SYNRG: variants seen among roughly 807,000 people sequenced by gnomAD.
SYNRG encodes the protein AP1 gamma subunit binding protein 1.
Under a neutral mutation model 130.9 loss-of-function variants are expected in SYNRG, and 37 were observed. The observed-to-expected ratio is 0.28, with a 90% CI of 0.22 to 0.37. SYNRG has a LOEUF of 0.37. Ranked by LOEUF, SYNRG falls within the 10% of genes least tolerant of loss-of-function variation. The pLI, the probability that SYNRG is intolerant of heterozygous loss-of-function variation, is 1.00. For missense variants in SYNRG, 1,338 were observed against 1,588.9 expected (o/e 0.84, Z 2.68); for synonymous variants, 539 against 568.1 (o/e 0.95, Z 0.73).
intron 6 of SYNRG, among the ~76,000 whole-genome samples, chr17:37,580,510 T>TGTGAGAGAGA (rs1384344164): frequency 1.6e-4 from 21 of 127,716 alleles, no homozygotes; most frequent in African/African-American, 6.2e-4. Context: ...TGTGTGTGTG[T>TGTGAGAGAGA]GAGAGAGAGA....
At chr17:37,568,112 C>G (rs1247751255) in intron 11 of SYNRG, 1 of 152,210 alleles carries the variant, frequency 6.6e-6, no homozygotes, top group Non-Finnish European at 1.5e-5. Flanking sequence ...ACTAAGGAGA[C>G]TGAGGCAGGA....
intron 3 of SYNRG, among the ~76,000 whole-genome samples, chr17:37,595,930 T>A (rs1388906792): frequency 6.6e-6 from 1 of 152,138 alleles, no homozygotes; most frequent in Non-Finnish European, 1.5e-5. Context: ...AATTTTTGTA[T>A]TTTTAGTAGA....
At chr17:37,561,055 T>C in intron 13 of SYNRG, 140 bp downstream of exon 13, 2 of 705,148 alleles carry the variant, frequency 2.8e-6, no homozygotes, top group East Asian at 5.4e-5. Context: ...CCATATTGTT[T>C]TGTCCATTCA....
intron 1 of SYNRG, among the ~76,000 whole-genome samples, chr17:37,602,931 T>C (rs1598677394): frequency 6.6e-6 from 1 of 151,958 alleles, no homozygotes; most frequent in African/African-American, 2.4e-5. Flanking sequence ...GGCTGAGACA[T>C]GAGCATTGCT....
At chr17:37,554,235 G>A (rs1195971031) in intron 13 of SYNRG, among the ~76,000 whole-genome samples, 176 bp from the exon 14 acceptor site, 2 of 152,138 alleles carry the variant, frequency 1.3e-5, no homozygotes, top group Non-Finnish European at 2.9e-5. Context: ...CCACACTGAA[G>A]TCTAGTGATA....
At chr17:37,568,539 G>T in intron 11 of SYNRG, 1 of 370,558 alleles carries the variant, frequency 2.7e-6, no homozygotes, top group East Asian at 4.4e-5. Context: ...CTATAATAAA[G>T]GTTTGGCACA....
At chr17:37,574,099 A>G (rs1170684650) in intron 8 of SYNRG, among the ~76,000 whole-genome samples, 1 of 152,224 alleles carries the variant, frequency 6.6e-6, no homozygotes, top group Admixed American at 6.5e-5. Flanking sequence ...GAACCCAGAA[A>G]TAAATCCACA....
At chr17:37,559,471 C>T (rs555953895) in intron 13 of SYNRG, among the ~76,000 whole-genome samples, 1 of 152,274 alleles carries the variant, frequency 6.6e-6, no homozygotes, top group East Asian at 1.9e-4. Flanking sequence ...GGGCAGATCA[C>T]CTGAGGTCAG....
rs970895655 is a variant in SYNRG, at chr17:37,520,578, G to C, written c.3737C>G (p.Ala1246Gly). The change falls in exon 20 of 22, where the codon GCC becomes GGC. Residue 1246 changes from alanine (A) to glycine (G), a missense_variant. By Grantham distance (60) the Ala-to-Gly change is moderately conservative (BLOSUM62 0). Around this residue, in one of 3 missense-constraint regions of SYNRG, gnomAD observed 1,146 missense variants for 1,342.3 expected, o/e 0.85. Coordinates refer to ENST00000612223, the MANE Select transcript of SYNRG (RefSeq NM_007247.6). ...RPGIKNAQELACGVCLLNVDS... is the reference protein window; with the variant it reads ...RPGIKNAQELGCGVCLLNVDS... Reference sequence around the variant, plus strand: ...CACATTCAAGAGGCACACTCCACAGGCAAGCTCCTGAGCATTTTTAATCCC... The same window carrying C: ...CACATTCAAGAGGCACACTCCACAGCCAAGCTCCTGAGCATTTTTAATCCC... 6.2e-7 allele frequency: 1 copy of C among 1,614,160 alleles called. No homozygotes were observed. Among genetic ancestry groups the C allele is most frequent in the East Asian group, 2.2e-5 (1 of 44,882 alleles).
At chr17:37,526,605 C>T (rs977601845) in intron 19 of SYNRG, among the ~76,000 whole-genome samples, 5 of 152,166 alleles carry the variant, frequency 3.3e-5, no homozygotes, top group Non-Finnish European at 7.4e-5. Context: ...TCTAGGAGTT[C>T]TAGGGGAAAA....
intron 11 of SYNRG, among the ~76,000 whole-genome samples, chr17:37,563,763 T>C (rs1010957753): frequency 6.6e-6 from 1 of 152,112 alleles, no homozygotes; most frequent in Non-Finnish European, 1.5e-5. Context: ...AGTGAAATCC[T>C]GGGCTCAAGT....
At chr17:37,524,090 G>A (rs978196451) in intron 19 of SYNRG, among the ~76,000 whole-genome samples, 1 of 152,188 alleles carries the variant, frequency 6.6e-6, no homozygotes, top group Non-Finnish European at 1.5e-5. Context: ...AAGTGCAGGG[G>A]AAGCGAGGGC....
chr17:37,608,534 G>A (rs1179173732), intron 1 of SYNRG, among the ~76,000 whole-genome samples: 1 of 152,162 alleles, frequency 6.6e-6, no homozygotes, highest in African/African-American at 2.4e-5. Flanking sequence ...TAAGAACCAC[G>A]GCAGTTCTTG....
intron 19 of SYNRG, among the ~76,000 whole-genome samples, chr17:37,525,727 G>T (rs990320884): frequency 1.3e-5 from 2 of 152,174 alleles, no homozygotes; most frequent in African/African-American, 4.8e-5. Flanking sequence ...CAGCACTTTG[G>T]GAGGCCAAGG....
intron 1 of SYNRG, among the ~76,000 whole-genome samples, chr17:37,606,919 T>C (rs1438615068): frequency 1.3e-5 from 2 of 152,156 alleles, no homozygotes; most frequent in African/African-American, 4.8e-5. Context: ...GTTGCCATAA[T>C]GTTAAGTTTC....
chr17:37,563,325 TAAAA>T (rs1171110278), intron 11 of SYNRG, among the ~76,000 whole-genome samples: 3 of 152,190 alleles, frequency 2.0e-5, no homozygotes, highest in Admixed American at 2.0e-4. Flanking sequence ...AGGTAAGACT[TAAAA>T]AATTCGGCCA....
At chr17:37,519,345 G>C (rs189029028) in intron 21 of SYNRG, among the ~76,000 whole-genome samples, 4 of 152,288 alleles carry the variant, frequency 2.6e-5, no homozygotes, top group East Asian at 3.9e-4. Context: ...GGGGTGGAGG[G>C]GGGGAATCAT....
intron 5 of SYNRG, among the ~76,000 whole-genome samples, chr17:37,585,008 G>A (rs527728641): frequency 6.6e-6 from 1 of 152,334 alleles, no homozygotes; most frequent in East Asian, 1.9e-4. Flanking sequence ...TAAGTGTCCT[G>A]TGAAGGCTCT....
chr17:37,526,658 A>G (rs2055960975), intron 19 of SYNRG, among the ~76,000 whole-genome samples: 1 of 152,124 alleles, frequency 6.6e-6, no homozygotes, highest in Non-Finnish European at 1.5e-5. Context: ...CGACCTCTAC[A>G]TTCCCTGACT....
Sources: gnomAD v4.1 joint callset for allele counts (sites outside exome capture counted in the v4.1 genomes callset) on GRCh38, gnomAD v4.1.1 for gene constraint, gnomAD v4.1.1 regional missense constraint, MANE v1.5 for transcripts, NCBI Gene and HGNC (gene_info 2026-07-23, HGNC 2026-07-21) for gene names.